ERMP1: variants seen among roughly 807,000 people sequenced by gnomAD.
ERMP1 encodes Felix-ina.
Under a neutral mutation model 92.0 loss-of-function variants are expected in ERMP1, and 86 were observed. The ratio of observed to expected loss-of-function variants is 0.93; its 90% CI spans 0.79 to 1.12. The LOEUF (loss-of-function observed/expected upper bound fraction) is 1.12, where lower values mean the gene tolerates loss of function less well. ERMP1 is among the 50% of genes most tolerant of loss of function. ERMP1 has a pLI of 0.00. For missense variants in ERMP1, 1,342 were observed against 1,116.3 expected, an observed-to-expected ratio of 1.20 and a Z score of -2.88; for synonymous variants, 530 against 412.8, an observed-to-expected ratio of 1.28 and a Z score of -3.44.
At chr9:5,851,378 T>C (rs1242728620) in intron 6 of ERMP1, among the ~76,000 whole-genome samples, 1 of 152,236 alleles carries the variant, frequency 6.6e-6, no homozygotes, top group Non-Finnish European at 1.5e-5. Flanking sequence ...ATGCTATAAA[T>C]GAATTAATTA....
intron 3 of ERMP1, among the ~76,000 whole-genome samples, chr9:5,824,278 G>C (rs1287122512): frequency 1.3e-5 from 2 of 152,166 alleles, no homozygotes; most frequent in Non-Finnish European, 2.9e-5. Context: ...CTGTGCAAAA[G>C]AAAAGGCAAA....
intron 2 of ERMP1, among the ~76,000 whole-genome samples, chr9:5,827,850 C>A (rs951709078): frequency 6.7e-6 from 1 of 148,992 alleles, no homozygotes; most frequent in Admixed American, 6.7e-5. Context: ...TGGTGGTGGG[C>A]GCCTATAGTC....
chr9:5,844,104 G>C (rs1168393257), intron 6 of ERMP1, among the ~76,000 whole-genome samples: 1 of 151,924 alleles, frequency 6.6e-6, no homozygotes, highest in Non-Finnish European at 1.5e-5. Context: ...CCAGGGGTAA[G>C]GAAAAAAATC....
chr9:5,838,905 G>A (rs1166923459), intron 6 of ERMP1, among the ~76,000 whole-genome samples: 1 of 152,134 alleles, frequency 6.6e-6, no homozygotes, highest in East Asian at 1.9e-4. Context: ...TTATCTCTGG[G>A]TGATTTTCCC....
chr9:5,832,197 G>A (rs996407941), intron 1 of ERMP1, among the ~76,000 whole-genome samples: 3 of 152,168 alleles, frequency 2.0e-5, no homozygotes, highest in Non-Finnish European at 4.4e-5. Flanking sequence ...TGACTGGGCG[G>A]TGTTCCAGAA....
At position 5,861,170 on chromosome 9, in the gene ERMP1, G is replaced by GTGTGT. The variant is rs1554630171; in HGVS notation, n.3056-1560_3056-1559insACACA. Among the ~76,000 whole-genome samples, 386 of 102,132 alleles carry GTGTGT rather than the reference G, an allele frequency of 3.8e-3. 5 individuals carry two copies. Among genetic ancestry groups the GTGTGT allele is most frequent in the East Asian group, 0.022 (51 of 2,272 alleles). The allele number at this position is 102,132 out of a possible 152,430, so 67.0% of individuals were successfully genotyped here. A position where few individuals can be genotyped will look rare whatever the true frequency, so the allele number is the denominator to read the frequency against. ...GCAGTGAACCCACAATGGCTTAGGG[G>GTGTGT]GTGTGTGTGTGTGTGTGTGTGTGTG... On this transcript the variant is annotated intron_variant and non_coding_transcript_variant, in intron 5 of 6. Coordinates refer to the ERMP1 transcript ENST00000690753.
In ERMP1 at chr9:5,824,006, A is replaced by C; in HGVS notation, c.769-5T>G. The C allele has an allele frequency of 6.3e-7, 1 of 1,596,666 alleles. No individual in the cohort carries two copies. On this transcript the variant is annotated splice_region_variant and splice_polypyrimidine_tract_variant and intron_variant, in intron 3 of 14. Coordinates refer to ENST00000339450, the MANE Select transcript of ERMP1 (RefSeq NM_024896.3). Reference sequence around the variant, plus strand: ...AGTAATGAAACCATGACTGGCCTTAAAGAGAAGGAAAGAAAACAAATATTT... The same window carrying C: ...AGTAATGAAACCATGACTGGCCTTACAGAGAAGGAAAGAAAACAAATATTT...
intron 13 of ERMP1, 144 bp from the exon 14 acceptor site, chr9:5,787,737 T>C: frequency 1.4e-6 from 1 of 738,482 alleles, no homozygotes; most frequent in South Asian, 2.0e-5. Flanking sequence ...GTTTACCAGT[T>C]TGGACACTTA....
chr9:5,825,075 A>C lies in ERMP1; in HGVS notation c.768+17T>G. The C allele has an allele frequency of 6.2e-7, 1 of 1,612,278 alleles. No individual in the cohort carries two copies. The highest frequency in any genetic ancestry group is 8.5e-7 in the Non-Finnish European group (1 of 1,178,480). ...CATCCTTATTCAAGCCTGATATTTA[A>C]AACAGTAAAATCTCACTTGCAAGAC... On this transcript the variant is annotated intron_variant, in intron 3 of 14. Coordinates refer to ENST00000339450, the MANE Select transcript of ERMP1 (RefSeq NM_024896.3).
chr9:5,865,312 C>T (rs904675428), intron 5 of ERMP1, among the ~76,000 whole-genome samples: 1 of 150,668 alleles, frequency 6.6e-6, no homozygotes, highest in Non-Finnish European at 1.5e-5. Flanking sequence ...AGAGACCATC[C>T]TGGATTAACA....
rs770083260 is a variant in ERMP1 at position 5,811,303 on chromosome 9, G to C, written c.1135C>G (p.Leu379Val). Residue 379 changes from leucine (L) to valine (V), a missense_variant, in exon 7 of 15, where the codon CTT becomes GTT. Leu to Val is a conservative substitution (Grantham distance 32, BLOSUM62 1). Coordinates refer to ENST00000339450, the MANE Select transcript of ERMP1 (RefSeq NM_024896.3). ...ATATCAGATGTAGCTAGATGCTTAA[G>C]AACTGCTAAAATGTTGTCACCTATT... ...QRAGDNILAVLKHLATSDMLA... is the reference protein window; with the variant it reads ...QRAGDNILAVVKHLATSDMLA... 2 of 1,606,594 alleles carry C rather than the reference G, an allele frequency of 1.2e-6. No homozygotes were observed. Among genetic ancestry groups the C allele is most frequent in the Non-Finnish European group, 1.7e-6 (2 of 1,176,680 alleles).
intron 11 of ERMP1, among the ~76,000 whole-genome samples, chr9:5,799,723 T>C (rs1444227866): frequency 1.3e-5 from 2 of 152,214 alleles, no homozygotes; most frequent in South Asian, 2.1e-4. Flanking sequence ...AAATATTATC[T>C]TGTCCTTTAC....
At chr9:5,812,843 T>A in intron 5 of ERMP1, 46 bp downstream of exon 5, 1 of 1,611,048 alleles carries the variant, frequency 6.2e-7, no homozygotes, top group South Asian at 1.1e-5. Flanking sequence ...AATTTGCTTT[T>A]GATAAATAAA....
chr9:5,837,685 TATGCATGCG>T (rs1304502380), upstream of ERMP1, among the ~76,000 whole-genome samples: 24 of 152,234 alleles, frequency 1.6e-4, no homozygotes, highest in African/African-American at 5.8e-4. Context: ...TGTGTGTGTA[TATGCATGCG>T]TGCACAAAAA....
intron 13 of ERMP1, among the ~76,000 whole-genome samples, chr9:5,796,207 T>G (rs942733193): frequency 2.0e-5 from 3 of 152,170 alleles, no homozygotes; most frequent in Admixed American, 6.5e-5. Flanking sequence ...ATTGACAAAC[T>G]GATTCTAAAG....
At chr9:5,809,794 G>A (rs1004860870) in intron 8 of ERMP1, among the ~76,000 whole-genome samples, 7 of 152,206 alleles carry the variant, frequency 4.6e-5, no homozygotes, top group Admixed American at 4.6e-4. Context: ...CCCTAACACT[G>A]TTAACAGCCC....
intron 2 of ERMP1, among the ~76,000 whole-genome samples, chr9:5,828,011 T>C (rs1261531191): frequency 1.3e-5 from 2 of 150,340 alleles, no homozygotes; most frequent in East Asian, 4.1e-4. Context: ...AATGAATGAA[T>C]GTACGTTCTA....
intron 4 of ERMP1, among the ~76,000 whole-genome samples, chr9:5,818,990 CAAAT>C (rs2131254592): frequency 6.6e-6 from 1 of 152,242 alleles, no homozygotes; most frequent in Non-Finnish European, 1.5e-5. Flanking sequence ...CATTTATTCT[CAAAT>C]AAAACTGTTT....
chr9:5,823,912 T>C lies in ERMP1; in HGVS notation c.858A>G (p.Glu286=). 6.2e-7 allele frequency: 1 copy of C among 1,612,332 alleles called. No homozygotes were observed. Among genetic ancestry groups the C allele is most frequent in the South Asian group, 1.1e-5 (1 of 91,000 alleles). ...CTCACATACCTGTTTGGAATACAAG[T>C]TCTTTCCCTCCTACACCTGCTGCCT... The part of the protein sequence containing the change: ...NLEAAGVGGK[E]LVFQTGPENP... Residue 286 remains glutamate, a synonymous_variant, in exon 4 of 15, where the codon GAA becomes GAG. Transcript: ENST00000339450.
Sources: allele counts gnomAD v4.1 joint callset (sites outside exome capture counted in the v4.1 genomes callset), GRCh38; gene constraint gnomAD v4.1.1; transcripts MANE v1.5; gene names NCBI Gene and HGNC (gene_info 2026-07-23, HGNC 2026-07-21).